The following TRIM15 variants were observed in gnomAD, a reference collection of about 807,000 sequenced individuals.
TRIM15 encodes tripartite motif containing 15.
TRIM15 carries 35 observed loss-of-function variants against 35.8 expected under a neutral mutation model. That is an observed-to-expected ratio of 0.98 (90% confidence interval 0.75 to 1.30). TRIM15 has a LOEUF of 1.30. Among genes scored for constraint, TRIM15 ranks in the 50% most tolerant of loss-of-function variants. TRIM15 has a pLI of 0.00. For synonymous variants in TRIM15, 252 were observed against 249.8 expected, an observed-to-expected ratio of 1.01 and a Z score of -0.08; for missense variants, 590 against 593.5, an observed-to-expected ratio of 0.99 and a Z score of 0.06.
rs1273917779 is a variant in TRIM15, at chr6:30,172,526, G to A, written c.*177G>A. 7.5e-6 allele frequency: 7 copies of A among 930,476 alleles called. No individual in the cohort carries two copies. In the African/African-American group the frequency reaches 1.2e-4, roughly 16 times the overall value. The allele number at this position is 930,476 out of a possible 1,614,324, so 57.6% of individuals were successfully genotyped here. A position where few individuals can be genotyped will look rare whatever the true frequency, so the allele number is the denominator to read the frequency against. On this transcript the variant is annotated 3_prime_UTR_variant, in exon 7 of 7. Coordinates refer to ENST00000376694, the MANE Select transcript of TRIM15 (RefSeq NM_033229.3). ...ATTTATCTTAGGCCCTCAGCTCCCTGACGTCCTGAGCCTCCCTGTGACGCT... is the reference window on the plus strand; with the variant it reads ...ATTTATCTTAGGCCCTCAGCTCCCTAACGTCCTGAGCCTCCCTGTGACGCT...
chr6:30,170,676 C>T (rs560310160), intron 5 of TRIM15, 60 bp downstream of exon 5: 3 of 1,319,396 alleles, frequency 2.3e-6, no homozygotes, highest in South Asian at 1.3e-5. Context: ...TGTCTTCCAC[C>T]CATCTCCATC....
intron 2 of TRIM15, among the ~76,000 whole-genome samples, chr6:30,168,025 ATTGTAGT>A (rs1259975200): frequency 6.6e-6 from 1 of 152,210 alleles, no homozygotes; most frequent in Non-Finnish European, 1.5e-5. Context: ...TTATGATGGT[ATTGTAGT>A]TGTGGAAATA....
rs577033523 is a variant in TRIM15 at position 30,171,287 on chromosome 6, C to T, written c.880+279C>T. Reference sequence around the variant, plus strand: ...AAAGAGCTTAGTATATTACCTGACTCATAGTAAGTGCTCAATTAATGTCAT... The same window carrying T: ...AAAGAGCTTAGTATATTACCTGACTTATAGTAAGTGCTCAATTAATGTCAT... On this transcript the variant is annotated intron_variant, in intron 6 of 6. Coordinates refer to ENST00000376694, the MANE Select transcript of TRIM15 (RefSeq NM_033229.3). Among the ~76,000 whole-genome samples, 21 of 152,318 alleles carry T rather than the reference C, an allele frequency of 1.4e-4. No homozygotes were observed. The South Asian group carries it at 3.7e-3, about 27-fold the overall frequency.
rs757561248 is a variant in TRIM15, at chr6:30,170,986, G to T, written c.858G>T (p.Ala286=). 4 of 1,610,520 alleles carry T rather than the reference G, an allele frequency of 2.5e-6. No homozygotes were observed. The highest frequency in any genetic ancestry group is 1.7e-5 in the Admixed American group (1 of 59,534). Residue 286 remains alanine, a synonymous_variant, in exon 6 of 7, where the codon GCG becomes GCT. Transcript: ENST00000376694. ...TTCTGCTTCCCTCAGAAAACTTGGC[G>T]CATCATCTGGAAATAGATTCAGGTA... ...EMMRMFSENL[A]HHLEIDSGVI...
chr6:30,167,112 G>T, intron 1 of TRIM15, 64 bp from the exon 2 acceptor site: 1 of 1,418,310 alleles, frequency 7.1e-7, no homozygotes, highest in Non-Finnish European at 1.0e-6. Flanking sequence ...GGATGTGATA[G>T]TTAATAATTG....
At chr6:30,167,143 G>T in intron 1 of TRIM15, 33 bp from the exon 2 acceptor site, 1 of 1,559,916 alleles carries the variant, frequency 6.4e-7, no homozygotes. Flanking sequence ...TATTAATTCA[G>T]TCACCTCTAT....
chr6:30,164,008 TC>T lies in TRIM15; in HGVS notation c.327del (p.Thr110ArgfsTer28). ...TCCTCTGTGTGTTCTGCAGGGAGGG[TC>T]CCACGCACCAGGCGCACACCGTGGG... is the stretch of plus-strand genomic sequence containing the variant. ...EFLCVFCREG[P>X]THQAHTVGFL... On this transcript the variant is annotated frameshift_variant, in exon 1 of 7. Transcript: ENST00000376694. LOFTEE classifies it high-confidence loss of function. The T allele has an allele frequency of 6.2e-7, 1 of 1,612,902 alleles. No homozygotes were observed. Among genetic ancestry groups the T allele is most frequent in the Non-Finnish European group, 8.5e-7 (1 of 1,179,982 alleles).
rs752542498 is a variant in TRIM15 at position 30,163,681 on chromosome 6, C to G, written c.-4C>G. 2.4e-5 allele frequency: 38 copies of G among 1,597,484 alleles called. No individual in the cohort carries two copies. The South Asian group carries it at 4.2e-4, about 18-fold the overall frequency. ...GGAGTGGACGGGCTGGGGAAGGCACCGTGATGCCCGCAACCCCGTCCCTGA... is the reference window on the plus strand; with the variant it reads ...GGAGTGGACGGGCTGGGGAAGGCACGGTGATGCCCGCAACCCCGTCCCTGA... On this transcript the variant is annotated 5_prime_UTR_variant, in exon 1 of 7. Coordinates refer to ENST00000376694, the MANE Select transcript of TRIM15 (RefSeq NM_033229.3).
rs547400064 is a variant in TRIM15 at position 30,170,920 on chromosome 6, G to A, written c.848-56G>A. 39 of 1,581,816 alleles carry A rather than the reference G, an allele frequency of 2.5e-5. No homozygotes were observed. The African/African-American group carries it at 3.9e-4, about 16-fold the overall frequency. ...TACTCAAGTCACCTTGCCCCTGGGG[G>A]TGCCTATAAGAAGTAATAAGTCACA... is the stretch of plus-strand genomic sequence containing the variant. On this transcript the variant is annotated intron_variant, in intron 5 of 6. Transcript: ENST00000376694.
chr6:30,170,913 C>T, intron 5 of TRIM15, 63 bp from the exon 6 acceptor site: 2 of 1,570,916 alleles, frequency 1.3e-6, no homozygotes, highest in South Asian at 1.2e-5. Context: ...TCACCTTGCC[C>T]CTGGGGGTGC....
At chr6:30,167,300 C>T in intron 2 of TRIM15, 29 bp downstream of exon 2, 1 of 1,582,166 alleles carries the variant, frequency 6.3e-7, no homozygotes, top group Non-Finnish European at 8.7e-7. Flanking sequence ...GCTACCTTTT[C>T]CTTTGAAGGT....
In TRIM15 at chr6:30,172,407, G is replaced by GC; in HGVS notation, c.*62dup. 2 of 1,538,976 alleles carry GC rather than the reference G, an allele frequency of 1.3e-6. No individual in the cohort carries two copies. Among genetic ancestry groups the GC allele is most frequent in the Non-Finnish European group, 1.7e-6 (2 of 1,148,442 alleles). ...CGGCGGCTCTCCGGGATCCAGCTCC[G>GC]CCCCTGGCCAGTGTGCGGCCCGGGG... On this transcript the variant is annotated 3_prime_UTR_variant, in exon 7 of 7. Transcript: ENST00000376694.
In TRIM15 at chr6:30,171,942, C is replaced by T; in HGVS notation, c.991C>T (p.Arg331Cys). 6.3e-7 allele frequency: 1 copy of T among 1,596,668 alleles called. No individual in the cohort carries two copies. Among genetic ancestry groups the T allele is most frequent in the Non-Finnish European group, 8.5e-7 (1 of 1,171,736 alleles). ...GAAGAGCCTGCCAGACAGCCCCCTG[C>T]GCTTCGACGGCCTCCCGGCGGTTCT... Reference protein sequence around the residue: ...QKKSLPDSPLRFDGLPAVLGF... With the variant: ...QKKSLPDSPLCFDGLPAVLGF... The change falls in exon 7 of 7, where the codon CGC becomes TGC. Residue 331 changes from arginine (R) to cysteine (C), a missense_variant. Coordinates refer to ENST00000376694, the MANE Select transcript of TRIM15 (RefSeq NM_033229.3).
rs1317931200 is a variant in TRIM15, at chr6:30,171,859, C to G, written c.908C>G (p.Ala303Gly). The G allele has an allele frequency of 6.3e-7, 1 of 1,582,202 alleles. No individual in the cohort carries two copies. The change falls in exon 7 of 7, where the codon GCC (alanine) becomes GGC (glycine). Residue 303 changes from alanine (A) to glycine (G), a missense_variant. Physicochemically the swap from Ala to Gly is moderately conservative, Grantham distance 60. Coordinates refer to ENST00000376694, the MANE Select transcript of TRIM15 (RefSeq NM_033229.3). ...SGVITLDPQT[A>G]SRSLVLSEDR... ...GTCATCACTCTGGACCCTCAGACCGCCAGCCGGAGCCTGGTTCTCTCGGAA... is the reference window on the plus strand; with the variant it reads ...GTCATCACTCTGGACCCTCAGACCGGCAGCCGGAGCCTGGTTCTCTCGGAA...
At chr6:30,166,432 C>G (rs893838392) in intron 1 of TRIM15, among the ~76,000 whole-genome samples, 3 of 152,168 alleles carry the variant, frequency 2.0e-5, no homozygotes, top group Non-Finnish European at 4.4e-5. Flanking sequence ...GGTGTTATTT[C>G]TGAGGCCCTT....
intron 1 of TRIM15, 48 bp downstream of exon 1, chr6:30,164,113 C>T: frequency 6.4e-7 from 1 of 1,572,796 alleles, no homozygotes. Flanking sequence ...AGGATGATGT[C>T]CTGTTATGAG....
rs1255478299 is a variant in TRIM15 at position 30,163,623 on chromosome 6, A to G, written c.-62A>G. Reference sequence around the variant, plus strand: ...ATTCATGTAAGTGTGACTCGATTTCAGGGAAAGGGAACTCGCGTGGGCTGA... The same window carrying G: ...ATTCATGTAAGTGTGACTCGATTTCGGGGAAAGGGAACTCGCGTGGGCTGA... On this transcript the variant is annotated 5_prime_UTR_variant, in exon 1 of 7. Coordinates refer to ENST00000376694, the MANE Select transcript of TRIM15 (RefSeq NM_033229.3). 3.9e-6 allele frequency: 6 copies of G among 1,525,596 alleles called. No homozygotes were observed. 94.5% of individuals were successfully genotyped at this position (1,525,596 alleles called of 1,614,324 possible).
intron 4 of TRIM15, chr6:30,169,696 G>A (rs1265531937): frequency 8.2e-6 from 3 of 363,836 alleles, no homozygotes; most frequent in Non-Finnish European, 1.6e-5. Flanking sequence ...ACACATCTCT[G>A]GTTTCCTTCA....
Position 30,164,007 on chromosome 6 carries a change from G to T in TRIM15, c.323G>T (p.Gly108Val), listed in dbSNP as rs1773389749. The change falls in exon 1 of 7, where the codon GGT becomes GTT. Residue 108 changes from glycine (G) to valine (V), a missense_variant. By Grantham distance (109) the Gly-to-Val change is moderately radical. Coordinates refer to ENST00000376694, the MANE Select transcript of TRIM15 (RefSeq NM_033229.3). ...AEFLCVFCREGPTHQAHTVGF... is the reference protein window; with the variant it reads ...AEFLCVFCREVPTHQAHTVGF... ...TTCCTCTGTGTGTTCTGCAGGGAGG[G>T]TCCCACGCACCAGGCGCACACCGTG... 4 of 1,613,132 alleles carry T rather than the reference G, an allele frequency of 2.5e-6. No individual in the cohort carries two copies. The highest frequency in any genetic ancestry group is 3.4e-6 in the Non-Finnish European group (4 of 1,180,028).
Sources: gnomAD v4.1 joint callset for allele counts (sites outside exome capture counted in the v4.1 genomes callset) on GRCh38, gnomAD v4.1.1 for gene constraint, MANE v1.5 for transcripts, NCBI Gene and HGNC (gene_info 2026-07-23, HGNC 2026-07-21) for gene names.